The following DLG2 variants were observed in gnomAD, a reference collection of about 807,000 sequenced individuals.
DLG2 encodes disks large homolog 2.
DLG2 carries 45 observed loss-of-function variants against 132.5 expected under a neutral mutation model. That is an observed-to-expected ratio of 0.34 (90% CI 0.27 to 0.44). The LOEUF (loss-of-function observed/expected upper bound fraction) is 0.44. DLG2 is among the 20% of genes least tolerant of loss of function. The probability of loss-of-function intolerance (pLI) is 1.00; values close to 1 mark genes in which losing one functional copy is unlikely to be tolerated. For synonymous variants in DLG2, 424 were observed against 419.6 expected (o/e 1.01, Z -0.13); for missense variants, 1,045 against 1,196.9 (o/e 0.87, Z 1.87).
intron 6 of DLG2, among the ~76,000 whole-genome samples, chr11:84,845,283 TTA>T (rs1241840443): frequency 6.6e-6 from 1 of 152,110 alleles, no homozygotes; most frequent in Non-Finnish European, 1.5e-5. Flanking sequence ...ATGAGAATAA[TTA>T]TAGTTACTTC....
intron 7 of DLG2, among the ~76,000 whole-genome samples, chr11:84,368,553 T>A (rs1462818294): frequency 6.6e-6 from 1 of 152,124 alleles, no homozygotes; most frequent in Non-Finnish European, 1.5e-5. Context: ...TAAAGGAAGA[T>A]CACGTATTTG....
At chr11:84,606,609 G>A (rs530389877) in intron 6 of DLG2, among the ~76,000 whole-genome samples, 2 of 152,190 alleles carry the variant, frequency 1.3e-5, no homozygotes, top group East Asian at 3.9e-4. Context: ...TGGCAATTGT[G>A]ACACATAAGT....
At chr11:85,095,420 T>C (rs1452088488) in intron 6 of DLG2, among the ~76,000 whole-genome samples, 1 of 152,194 alleles carries the variant, frequency 6.6e-6, no homozygotes, top group Non-Finnish European at 1.5e-5. Context: ...TGCTCTTCAA[T>C]CCCTACCACT....
intron 6 of DLG2, among the ~76,000 whole-genome samples, chr11:85,023,209 TAAAAATA>T (rs1439656169): frequency 6.6e-6 from 1 of 152,038 alleles, no homozygotes; most frequent in Admixed American, 6.6e-5. Context: ...TAGAATGAGG[TAAAAATA>T]AAAAATAAAA....
intron 4 of DLG2, among the ~76,000 whole-genome samples, chr11:85,247,165 G>A (rs1433999355): frequency 6.6e-6 from 1 of 152,040 alleles, no homozygotes; most frequent in Non-Finnish European, 1.5e-5. Context: ...CACTTATCTG[G>A]GATACAATAT....
At chr11:84,329,649 T>G (rs1403282978) in intron 7 of DLG2, among the ~76,000 whole-genome samples, 2 of 152,202 alleles carry the variant, frequency 1.3e-5, no homozygotes, top group Non-Finnish European at 2.9e-5. Flanking sequence ...TATAGCAATA[T>G]GAGAACAGAC....
intron 7 of DLG2, among the ~76,000 whole-genome samples, chr11:84,496,076 T>A (rs1352238141): frequency 6.6e-6 from 1 of 152,156 alleles, no homozygotes; most frequent in East Asian, 1.9e-4. Flanking sequence ...TAAGCTGAAC[T>A]GAGCAGCTGT....
At chr11:83,892,941 A>T (rs2070398861) in intron 15 of DLG2, among the ~76,000 whole-genome samples, 1 of 152,176 alleles carries the variant, frequency 6.6e-6, no homozygotes, top group African/African-American at 2.4e-5. Flanking sequence ...AAGGACATTT[A>T]TTTGGTCATT....
chr11:84,778,826 C>T (rs2153903587), intron 6 of DLG2, among the ~76,000 whole-genome samples: 1 of 152,254 alleles, frequency 6.6e-6, no homozygotes, highest in South Asian at 2.1e-4. Context: ...GAGCACCATC[C>T]AATCAACTAT....
At chr11:85,596,126 A>C (rs1233096169) in intron 3 of DLG2, among the ~76,000 whole-genome samples, 1 of 152,154 alleles carries the variant, frequency 6.6e-6, no homozygotes, top group Non-Finnish European at 1.5e-5. Flanking sequence ...GCAGTGATTG[A>C]CGCATGTAAT....
intron 7 of DLG2, among the ~76,000 whole-genome samples, chr11:84,286,091 A>G (rs553775504): frequency 2.2e-4 from 33 of 152,224 alleles, no homozygotes; most frequent in Non-Finnish European, 4.0e-4. Context: ...AATTCCTCTT[A>G]CCAGCATGTA....
intron 7 of DLG2, among the ~76,000 whole-genome samples, chr11:84,320,622 C>T (rs1040590096): frequency 6.6e-6 from 1 of 152,052 alleles, no homozygotes; most frequent in African/African-American, 2.4e-5. Flanking sequence ...ATAAGAAAGC[C>T]AGGAATACGT....
chr11:83,508,676 C>T (rs7934620), intron 21 of DLG2, among the ~76,000 whole-genome samples: 1,873 of 152,206 alleles, frequency 0.012, 33 homozygotes, highest in African/African-American at 0.042. Flanking sequence ...GACATATACA[C>T]ATACAGGCAA....
intron 22 of DLG2, chr11:83,483,176 G>A: frequency 7.7e-7 from 1 of 1,291,954 alleles, no homozygotes; most frequent in African/African-American, 1.5e-5. Flanking sequence ...AAGGCCCTCA[G>A]GAAAAGGAAC....
At chr11:83,707,438 G>T (rs1269548070) in intron 18 of DLG2, among the ~76,000 whole-genome samples, 1 of 152,224 alleles carries the variant, frequency 6.6e-6, no homozygotes, top group Non-Finnish European at 1.5e-5. Flanking sequence ...GGGAGGCCGA[G>T]GGGGGCAGAT....
chr11:83,544,754 G>T (rs2096192138), intron 19 of DLG2, among the ~76,000 whole-genome samples: 1 of 152,114 alleles, frequency 6.6e-6, no homozygotes, highest in Non-Finnish European at 1.5e-5. Context: ...TATAGATGAG[G>T]GAAGGAGGCT....
chr11:85,261,998 A>G (rs1423137134), intron 4 of DLG2, among the ~76,000 whole-genome samples: 1 of 152,164 alleles, frequency 6.6e-6, no homozygotes, highest in East Asian at 1.9e-4. Flanking sequence ...TTCATCTAAA[A>G]TGTCAGGAGA....
At chr11:83,892,097 C>T (rs768166782) in intron 15 of DLG2, among the ~76,000 whole-genome samples, 7 of 152,132 alleles carry the variant, frequency 4.6e-5, no homozygotes, top group South Asian at 2.1e-4. Flanking sequence ...AGGTAAGAAT[C>T]GCCTCTTTCT....
At chr11:84,427,239 G>A (rs1405222796) in intron 7 of DLG2, among the ~76,000 whole-genome samples, 1 of 152,038 alleles carries the variant, frequency 6.6e-6, no homozygotes, top group Non-Finnish European at 1.5e-5. Context: ...GGGAATGAAG[G>A]AAGGAAAGAA....
Sources: gnomAD v4.1 joint callset for allele counts (sites outside exome capture counted in the v4.1 genomes callset) on GRCh38, gnomAD v4.1.1 for gene constraint, MANE v1.5 for transcripts, NCBI Gene and HGNC (gene_info 2026-07-23, HGNC 2026-07-21) for gene names.